Variants in TENM3 observed in about 807,000 individuals in gnomAD.
TENM3 encodes the protein teneurin-3.
In TENM3, 63 loss-of-function variants were observed where a neutral mutation model predicts 255.1. That is an observed-to-expected ratio of 0.25 (90% CI 0.20 to 0.30). The LOEUF (loss-of-function observed/expected upper bound fraction) is 0.30, where lower values mean the gene tolerates loss of function less well. TENM3 is among the 10% of genes least tolerant of loss of function. TENM3 has a pLI of 1.00. For missense variants in TENM3, 2,929 were observed against 3,461.1 expected, an observed-to-expected ratio of 0.85 and a Z score of 3.86; for synonymous variants, 1,306 against 1,322.3, an observed-to-expected ratio of 0.99 and a Z score of 0.27.
chr4:181,508,530 T>G, the TENM3 span, among the ~76,000 whole-genome samples: 5 of 152,238 alleles, frequency 3.3e-5, no homozygotes, highest in Non-Finnish European at 7.3e-5. Flanking sequence ...ATTTAACTTT[T>G]TAGTTGTTTA....
At chr4:181,987,665 C>G in the TENM3 span, among the ~76,000 whole-genome samples, 1 of 152,092 alleles carries the variant, frequency 6.6e-6, no homozygotes, top group Non-Finnish European at 1.5e-5. Context: ...AAATTTCTGT[C>G]AGACAACGGC....
At chr4:181,536,678 T>G in the TENM3 span, among the ~76,000 whole-genome samples, 112 of 152,344 alleles carry the variant, frequency 7.4e-4, no homozygotes, top group Middle Eastern at 6.8e-3. Flanking sequence ...CATTGAATAA[T>G]TTGATTCTTC....
intron 4 of TENM3, among the ~76,000 whole-genome samples, chr4:182,606,254 T>C (rs2152422379): frequency 6.6e-6 from 1 of 152,296 alleles, no homozygotes; most frequent in Non-Finnish European, 1.5e-5. Context: ...CCGGGCGTGG[T>C]GGCTCACGCC....
intron 1 of TENM3, among the ~76,000 whole-genome samples, chr4:182,321,270 T>C (rs1452443957): frequency 1.3e-5 from 2 of 152,170 alleles, no homozygotes; most frequent in Non-Finnish European, 2.9e-5. Flanking sequence ...ATCCACTCTT[T>C]GTCCTCAGCA....
chr4:181,701,752 T>C, the TENM3 span, among the ~76,000 whole-genome samples: 1 of 152,248 alleles, frequency 6.6e-6, no homozygotes, highest in African/African-American at 2.4e-5. Context: ...TGAGAATTCA[T>C]GTAAATCAAC....
At chr4:181,609,351 G>GT in the TENM3 span, among the ~76,000 whole-genome samples, 20 of 152,122 alleles carry the variant, frequency 1.3e-4, no homozygotes, top group Non-Finnish European at 2.2e-4. Context: ...AGTGAAGAGG[G>GT]TTTTTTTCCA....
chr4:182,650,924 A>ATATATATAT (rs1491428844), intron 5 of TENM3, among the ~76,000 whole-genome samples: 3 of 10,516 alleles, frequency 2.9e-4, no homozygotes, highest in African/African-American at 1.3e-3. Flanking sequence ...ATATATATAT[A>ATATATATAT]AAACAAAGCT....
At chr4:181,711,667 T>C in the TENM3 span, among the ~76,000 whole-genome samples, 1 of 152,200 alleles carries the variant, frequency 6.6e-6, no homozygotes, top group East Asian at 1.9e-4. Flanking sequence ...TTGGTGACCT[T>C]CCATTCTTGC....
chr4:182,045,136 T>C, the TENM3 span, among the ~76,000 whole-genome samples: 2 of 152,302 alleles, frequency 1.3e-5, no homozygotes, highest in Admixed American at 1.3e-4. Flanking sequence ...GACACGGTGA[T>C]AATTTTTCAC....
At chr4:182,448,173 T>G (rs2151296399) in intron 3 of TENM3, among the ~76,000 whole-genome samples, 1 of 152,108 alleles carries the variant, frequency 6.6e-6, no homozygotes, top group Middle Eastern at 3.4e-3. Flanking sequence ...TTAATGGGGG[T>G]CCGCGACTGC....
At chr4:182,130,344 C>A in the TENM3 span, among the ~76,000 whole-genome samples, 4 of 152,064 alleles carry the variant, frequency 2.6e-5, no homozygotes, top group Non-Finnish European at 4.4e-5. Context: ...AAAAAGAAAA[C>A]TCATAGCAGA....
chr4:182,602,477 C>G (rs776197441), intron 4 of TENM3, among the ~76,000 whole-genome samples: 83 of 152,204 alleles, frequency 5.5e-4, no homozygotes, highest in Middle Eastern at 3.2e-3. Context: ...GATGAGCTAG[C>G]AGGAGGTCCC....
At chr4:182,775,373 A>G (rs1351347844) in intron 24 of TENM3, among the ~76,000 whole-genome samples, 2 of 152,156 alleles carry the variant, frequency 1.3e-5, no homozygotes, top group African/African-American at 2.4e-5. Flanking sequence ...AAAAAGCAAT[A>G]GGACACTAGA....
At chr4:181,888,494 G>GTATATATATATA in the TENM3 span, among the ~76,000 whole-genome samples, 282 of 28,008 alleles carry the variant, frequency 0.01, 9 homozygotes, top group African/African-American at 0.013. Context: ...ATAGAAATGT[G>GTATATATATATA]TATATATATA....
chr4:182,247,633 G>C (rs1052680231), intron 1 of TENM3, among the ~76,000 whole-genome samples: 1 of 152,148 alleles, frequency 6.6e-6, no homozygotes, highest in African/African-American at 2.4e-5. Context: ...TATATCTCTG[G>C]CAAGTACCTG....
intron 4 of TENM3, among the ~76,000 whole-genome samples, chr4:182,609,690 G>C (rs1343991260): frequency 6.6e-6 from 1 of 152,136 alleles, no homozygotes; most frequent in Non-Finnish European, 1.5e-5. Flanking sequence ...AGAAGCATTG[G>C]TTTGGGGATA....
chr4:182,133,250 G>A, the TENM3 span, among the ~76,000 whole-genome samples: 4 of 152,300 alleles, frequency 2.6e-5, no homozygotes, highest in South Asian at 2.1e-4. Context: ...AGTGAAGATG[G>A]CAGGATAGTG....
At chr4:181,470,293 A>G in the TENM3 span, among the ~76,000 whole-genome samples, 1 of 152,164 alleles carries the variant, frequency 6.6e-6, no homozygotes, top group African/African-American at 2.4e-5. Context: ...ATAAATTTGG[A>G]GTAAAATGTA....
the TENM3 span, among the ~76,000 whole-genome samples, chr4:181,760,794 C>T: frequency 6.6e-6 from 1 of 151,944 alleles, no homozygotes; most frequent in Non-Finnish European, 1.5e-5. Flanking sequence ...CTCTTCTTCT[C>T]CCTTGAGAAT....
Sources: gnomAD v4.1 joint callset for allele counts (sites outside exome capture counted in the v4.1 genomes callset) on GRCh38, gnomAD v4.1.1 for gene constraint, MANE v1.5 for transcripts, NCBI Gene and HGNC (gene_info 2026-07-23, HGNC 2026-07-21) for gene names.